The following MAL variants were observed in gnomAD, a reference collection of about 807,000 sequenced individuals.
MAL encodes myelin and lymphocyte protein.
Under a neutral mutation model 16.7 loss-of-function variants are expected in MAL, and 5 were observed. That is an observed-to-expected ratio of 0.30 (90% CI 0.16 to 0.63). The LOEUF (loss-of-function observed/expected upper bound fraction) is 0.63. Among genes scored for constraint, MAL ranks in the 30% least tolerant of loss-of-function variants. MAL has a pLI of 0.82. For synonymous variants in MAL, 96 were observed against 85.5 expected, an observed-to-expected ratio of 1.12 and a Z score of -0.67; for missense variants, 202 against 195.8, an observed-to-expected ratio of 1.03 and a Z score of -0.19.
At chr2:95,043,182 T>C (rs1435915232) in intron 1 of MAL, among the ~76,000 whole-genome samples, 1 of 152,198 alleles carries the variant, frequency 6.6e-6, no homozygotes, top group Non-Finnish European at 1.5e-5. Flanking sequence ...ACCAGTTAGG[T>C]CCACCTCTCT....
intron 1 of MAL, among the ~76,000 whole-genome samples, chr2:95,028,629 A>C (rs1674006388): frequency 6.6e-6 from 1 of 152,230 alleles, no homozygotes; most frequent in Non-Finnish European, 1.5e-5. Context: ...TCATAGCAGC[A>C]GTCTTCACAA....
intron 1 of MAL, among the ~76,000 whole-genome samples, chr2:95,033,035 G>T: frequency 6.6e-6 from 1 of 152,196 alleles, no homozygotes; most frequent in Non-Finnish European, 1.5e-5. Flanking sequence ...CTGACCTGCA[G>T]TTCCTGGCCA....
Position 95,049,649 on chromosome 2 carries a change from C to T in MAL, c.330C>T (p.Thr110=), listed in dbSNP as rs1237169032. ...LSASVLEALA[T]ITMQDGFTYR... ...CCTCAGTCCTGGAGGCCCTGGCCAC[C>T]ATCACGATGCAAGACGGCTTCACCT... The change falls in exon 3 of 4, where the codon ACC becomes ACT. Residue 110 remains threonine, a synonymous_variant. Transcript: ENST00000309988. 2.5e-6 allele frequency: 4 copies of T among 1,613,964 alleles called. No homozygotes were observed. In the African/African-American group the frequency reaches 5.3e-5, roughly 22 times the overall value.
chr2:95,045,377 A>G (rs1229037810), intron 1 of MAL, among the ~76,000 whole-genome samples: 3 of 152,158 alleles, frequency 2.0e-5, no homozygotes, highest in African/African-American at 7.2e-5. Context: ...TAGTTCAGCC[A>G]CACCCAGGTA....
At chr2:95,026,603 T>A (rs963558288) in intron 1 of MAL, 2 of 151,780 alleles carry the variant, frequency 1.3e-5, no homozygotes, top group African/African-American at 4.8e-5. Flanking sequence ...GGTCCCGCCT[T>A]GCACGCACGG....
In MAL at chr2:95,025,741, C is replaced by G. The variant is rs1036632320; in HGVS notation, c.-52C>G. On this transcript the variant is annotated 5_prime_UTR_variant, in exon 1 of 4. Transcript: ENST00000309988. This position sits in a 1 kb window ranked among gnomAD's most constrained non-coding sequence, Gnocchi z 5.6. ...CCGCGGAGCCAGCGAGAGGTCTGCG[C>G]GGAGTCTGAGCGGCGCTCGTCCCGT... is the stretch of plus-strand genomic sequence containing the variant. 2 of 1,307,212 alleles carry G rather than the reference C, an allele frequency of 1.5e-6. No homozygotes were observed. Among genetic ancestry groups the G allele is most frequent in the African/African-American group, 1.5e-5 (1 of 65,208 alleles). The allele number at this position is 1,307,212 out of a possible 1,614,324, so 81.0% of individuals were successfully genotyped here. A position where few individuals can be genotyped will look rare whatever the true frequency, so the allele number is the denominator to read the frequency against.
intron 1 of MAL, among the ~76,000 whole-genome samples, chr2:95,027,278 C>T (rs1389408520): frequency 6.6e-6 from 1 of 152,144 alleles, no homozygotes; most frequent in East Asian, 1.9e-4. Context: ...CCACCCAACC[C>T]GCCAATGCTG....
rs149130013 is a variant in MAL, at chr2:95,053,320, C to T, written c.388-61C>T. 487 of 1,154,370 alleles carry T rather than the reference C, an allele frequency of 4.2e-4. No homozygotes were observed. The Middle Eastern group carries it at 6.0e-3, about 14-fold the overall frequency. 71.5% of individuals were successfully genotyped at this position (1,154,370 alleles called of 1,614,324 possible). A position where few individuals can be genotyped will look rare whatever the true frequency, so the allele number is the denominator to read the frequency against. ...ACGCCACGTGGGGCTGGATGCAGTGCAGACGCTGTGCCTCGCCCTCCCTAC... is the reference window on the plus strand; with the variant it reads ...ACGCCACGTGGGGCTGGATGCAGTGTAGACGCTGTGCCTCGCCCTCCCTAC... On this transcript the variant is annotated intron_variant, in intron 3 of 3. Transcript: ENST00000309988.
At chr2:95,029,749 C>T (rs1312120681) in intron 1 of MAL, among the ~76,000 whole-genome samples, 1 of 152,040 alleles carries the variant, frequency 6.6e-6, no homozygotes, top group African/African-American at 2.4e-5. Context: ...AGTTCAAGAC[C>T]CCTACTTACT....
intron 1 of MAL, among the ~76,000 whole-genome samples, chr2:95,035,227 C>T (rs1371304874): frequency 6.6e-6 from 1 of 152,164 alleles, no homozygotes; most frequent in African/African-American, 2.4e-5. Context: ...CCTGGTGACT[C>T]CCATAAATCC....
chr2:95,049,500 C>A, intron 2 of MAL, 81 bp from the exon 3 acceptor site: 1 of 1,452,002 alleles, frequency 6.9e-7, no homozygotes. Context: ...AGGCAAGGGG[C>A]GGGGGTGGAG....
intron 3 of MAL, among the ~76,000 whole-genome samples, chr2:95,050,789 G>A (rs568218251): frequency 4.9e-4 from 74 of 152,284 alleles, no homozygotes; most frequent in African/African-American, 1.6e-3. Flanking sequence ...GGGGTCCCGC[G>A]GTGTGGAAAC....
chr2:95,025,802 G>C lies in MAL; in HGVS notation c.10G>C (p.Ala4Pro), dbSNP rs1187743835. The C allele has an allele frequency of 6.4e-7, 1 of 1,554,620 alleles. No individual in the cohort carries two copies. The highest frequency in any genetic ancestry group is 1.2e-5 in the South Asian group (1 of 82,884). The change falls in exon 1 of 4, where the codon GCA (alanine) becomes CCA (proline). Residue 4 changes from alanine to proline, a missense_variant. Physicochemically the swap from Ala to Pro is conservative, Grantham distance 27 (BLOSUM62 -1). Coordinates refer to ENST00000309988, the MANE Select transcript of MAL (RefSeq NM_002371.4). This position sits in a 1 kb window ranked among gnomAD's most constrained non-coding sequence, Gnocchi z 5.6. MAPAAATGGSTLPS... is the reference protein window; with the variant it reads MAPPAATGGSTLPS... ...ACGCCAGCACGCCGTCATGGCCCCC[G>C]CAGCGGCGACGGGGGGCAGCACCCT...
Position 95,053,623 on chromosome 2 carries a change from T to C in MAL, c.*168T>C. On this transcript the variant is annotated 3_prime_UTR_variant, in exon 4 of 4. Transcript: ENST00000309988. ...CCTGCCCTGTTGCTCGTGGGTGCTG[T>C]GTTTACTCTCCCGTGTGCCTTCGCG... The C allele has an allele frequency of 1.6e-6, 1 of 615,576 alleles. No homozygotes were observed. Among genetic ancestry groups the C allele is most frequent in the South Asian group, 2.0e-5 (1 of 49,752 alleles). The allele number at this position is 615,576 out of a possible 1,614,324, so 38.1% of individuals were successfully genotyped here. A position where few individuals can be genotyped will look rare whatever the true frequency, so the allele number is the denominator to read the frequency against.
Position 95,046,418 on chromosome 2 carries a change from G to A in MAL, c.94-1541G>A, listed in dbSNP as rs140401108. Among the ~76,000 whole-genome samples the A allele has an allele frequency of 2.0e-4, 31 of 152,286 alleles. No homozygotes were observed. The East Asian group carries it at 4.3e-3, about 21-fold the overall frequency. On this transcript the variant is annotated intron_variant, in intron 1 of 3. Coordinates refer to ENST00000309988, the MANE Select transcript of MAL (RefSeq NM_002371.4). Reference sequence around the variant, plus strand: ...CTGATTCTTACTGGGTGGGGGTGGCGCTGGGGGAGATGAGGAGAAGGGAAA... The same window carrying A: ...CTGATTCTTACTGGGTGGGGGTGGCACTGGGGGAGATGAGGAGAAGGGAAA...
Position 95,037,649 on chromosome 2 carries a change from C to T in MAL, c.94-10310C>T, listed in dbSNP as rs184131438. On this transcript the variant is annotated intron_variant, in intron 1 of 3. Coordinates refer to ENST00000309988, the MANE Select transcript of MAL (RefSeq NM_002371.4). ...CTAAGTAAGTGAGTGAGTGAGCAAG[C>T]GAGTGAGTGAGTGACTGACTGAGTG... Among the ~76,000 whole-genome samples, 378 of 79,758 alleles carry T rather than the reference C, an allele frequency of 4.7e-3. 3 individuals are homozygous for T. The highest frequency in any genetic ancestry group is 0.018 in the African/African-American group (358 of 19,986). 52.3% of individuals were successfully genotyped at this position (79,758 alleles called of 152,430 possible). A position where few individuals can be genotyped will look rare whatever the true frequency, so the allele number is the denominator to read the frequency against.
intron 1 of MAL, among the ~76,000 whole-genome samples, chr2:95,033,306 G>A (rs916694851): frequency 6.6e-5 from 10 of 152,232 alleles, no homozygotes; most frequent in East Asian, 1.9e-4. Flanking sequence ...TGCATCTGCC[G>A]AAGAGGGAGC....
chr2:95,025,906 G>A lies in MAL; in HGVS notation c.93+21G>A. 6.5e-7 allele frequency: 1 copy of A among 1,533,604 alleles called. No individual in the cohort carries two copies. The highest frequency in any genetic ancestry group is 1.2e-5 in the South Asian group (1 of 81,262). The allele number at this position is 1,533,604 out of a possible 1,614,324, so 95.0% of individuals were successfully genotyped here. On this transcript the variant is annotated intron_variant, in intron 1 of 3. Transcript: ENST00000309988. The surrounding 1 kb of genome is among the most constrained non-coding windows in gnomAD (Gnocchi z 5.6). The stretch of plus-strand genomic sequence containing the variant: ...AGTTTGTGAGTGGCTCCTGGCCGGG[G>A]AAGGGACGGGGTGGGCTGAGCCGTG...
chr2:95,053,536 G>A lies in MAL; in HGVS notation c.*81G>A, dbSNP rs542967198. 6 of 1,120,084 alleles carry A rather than the reference G, an allele frequency of 5.4e-6. No homozygotes were observed. The South Asian group carries it at 6.2e-5, about 12-fold the overall frequency. The allele number at this position is 1,120,084 out of a possible 1,614,324, so 69.4% of individuals were successfully genotyped here. ...TTCCGGCATAACTTTTTAGAAAACA[G>A]AAATGCCCTTGATGGTGGAAAAAAG... On this transcript the variant is annotated 3_prime_UTR_variant, in exon 4 of 4. Transcript: ENST00000309988.
Sources: allele counts gnomAD v4.1 joint callset (sites outside exome capture counted in the v4.1 genomes callset), GRCh38; gene constraint gnomAD v4.1.1; non-coding constraint Gnocchi (gnomAD v3.1); transcripts MANE v1.5; gene names NCBI Gene and HGNC (gene_info 2026-07-23, HGNC 2026-07-21).